The following RGS5 variants were observed in gnomAD, a reference collection of about 807,000 sequenced individuals.
RGS5 encodes regulator of G protein signaling 5.
A neutral mutation model predicts 18.9 loss-of-function variants in RGS5; 20 were observed. The observed-to-expected ratio is 1.06, with a 90% CI of 0.74 to 1.54. RGS5 has a LOEUF of 1.54. Ranked by LOEUF, RGS5 falls within the 40% of genes most tolerant of loss-of-function variation. The pLI is 0.00. For missense variants in RGS5, 201 were observed against 211.8 expected, an observed-to-expected ratio of 0.95 and a Z score of 0.32; for synonymous variants, 57 against 76.2, an observed-to-expected ratio of 0.75 and a Z score of 1.31.
intron 1 of RGS5, among the ~76,000 whole-genome samples, chr1:163,188,974 G>GCTA (rs1659218921): frequency 8.7e-6 from 1 of 114,936 alleles, no homozygotes; most frequent in Non-Finnish European, 1.9e-5. Flanking sequence ...AAAAAAAAAA[G>GCTA]CTACTGTAAG....
chr1:163,290,388 ATC>A (rs1649251689), intron 2 of RGS5, among the ~76,000 whole-genome samples: 1 of 152,204 alleles, frequency 6.6e-6, no homozygotes, highest in Non-Finnish European at 1.5e-5. Flanking sequence ...TCAATATTTA[ATC>A]TTACAAACAA....
At chr1:163,189,475 G>A (rs1370087879) in intron 1 of RGS5, among the ~76,000 whole-genome samples, 3 of 152,212 alleles carry the variant, frequency 2.0e-5, no homozygotes, top group Non-Finnish European at 4.4e-5. Flanking sequence ...AAAATTTTTA[G>A]AGGGTTATTA....
At chr1:163,185,647 T>TG (rs1189444607) in intron 1 of RGS5, among the ~76,000 whole-genome samples, 1 of 152,212 alleles carries the variant, frequency 6.6e-6, no homozygotes, top group African/African-American at 2.4e-5. Context: ...AGATGATTCC[T>TG]GATGCTTTCC....
rs532656523 is a variant in RGS5, at chr1:163,174,186, C to A, written c.45-5818G>T. Among the ~76,000 whole-genome samples the A allele has an allele frequency of 2.1e-4, 32 of 152,316 alleles. No individual in the cohort carries two copies. The South Asian group carries it at 6.2e-3, about 30-fold the overall frequency. On this transcript the variant is annotated intron_variant, in intron 1 of 4. Coordinates refer to ENST00000313961, the MANE Select transcript of RGS5 (RefSeq NM_003617.4). Reference sequence around the variant, plus strand: ...TACCTAAAAACTGCTCCTAATATATCCTCAGAGCCCTCTGAATTTTCCATT... The same window carrying A: ...TACCTAAAAACTGCTCCTAATATATACTCAGAGCCCTCTGAATTTTCCATT...
chr1:163,231,977 T>TAA (rs139089442), intron 2 of RGS5, among the ~76,000 whole-genome samples: 3 of 151,194 alleles, frequency 2.0e-5, no homozygotes, highest in African/African-American at 7.3e-5. Context: ...GCAAAGAAAA[T>TAA]AAAAAAAAAC....
intron 3 of RGS5, chr1:163,161,669 G>C (rs552251348): frequency 2.4e-6 from 1 of 415,792 alleles, no homozygotes; most frequent in South Asian, 2.7e-5. Context: ...GGACAGATGG[G>C]AACACAACTG....
intron 1 of RGS5, among the ~76,000 whole-genome samples, chr1:163,217,032 A>T (rs1009689932): frequency 6.6e-6 from 1 of 152,166 alleles, no homozygotes; most frequent in Admixed American, 6.6e-5. Context: ...AGGATAAATG[A>T]TGAGAATGCA....
At chr1:163,193,004 C>T (rs1467816074) in intron 1 of RGS5, among the ~76,000 whole-genome samples, 2 of 152,194 alleles carry the variant, frequency 1.3e-5, no homozygotes, top group Non-Finnish European at 2.9e-5. Context: ...ATGTTCGGCA[C>T]AAGAAAATAT....
At chr1:163,162,726 A>G (rs899266013) in intron 2 of RGS5, 3 of 152,138 alleles carry the variant, frequency 2.0e-5, no homozygotes, top group Non-Finnish European at 4.4e-5. Flanking sequence ...CTATTTTAAC[A>G]TTTATATATG....
chr1:163,226,768 T>C (rs1011811577), intron 2 of RGS5, among the ~76,000 whole-genome samples: 3 of 152,258 alleles, frequency 2.0e-5, no homozygotes, highest in Non-Finnish European at 4.4e-5. Flanking sequence ...TGGAGATGAT[T>C]GCTATTATAT....
rs191101762 is a variant in RGS5 at position 163,160,834 on chromosome 1, T to C, written c.217+1081A>G. 8.4e-4 allele frequency among the ~76,000 whole-genome samples: 128 copies of C among 152,320 alleles called. 2 individuals are homozygous for C. Among genetic ancestry groups the C allele is most frequent in the African/African-American group, 2.9e-3 (121 of 41,582 alleles). On this transcript the variant is annotated intron_variant, in intron 3 of 4. Coordinates refer to ENST00000313961, the MANE Select transcript of RGS5 (RefSeq NM_003617.4). ...AGAAATATAGGTAGGGTATTTTAAATTGACTCATACTTTTAGAGTGAATTA... is the reference window on the plus strand; with the variant it reads ...AGAAATATAGGTAGGGTATTTTAAACTGACTCATACTTTTAGAGTGAATTA...
At chr1:163,269,495 G>A (rs974518587) in intron 2 of RGS5, among the ~76,000 whole-genome samples, 1 of 152,110 alleles carries the variant, frequency 6.6e-6, no homozygotes, top group Non-Finnish European at 1.5e-5. Context: ...ATCAAAGAAA[G>A]TTCTATGTTC....
intron 3 of RGS5, among the ~76,000 whole-genome samples, chr1:163,154,757 G>T (rs1251511481): frequency 6.6e-6 from 1 of 151,174 alleles, no homozygotes; most frequent in Non-Finnish European, 1.5e-5. Flanking sequence ...AGTGCTAAAA[G>T]AAAAATATAA....
At chr1:163,235,761 T>C (rs946972893) in intron 2 of RGS5, among the ~76,000 whole-genome samples, 1 of 152,238 alleles carries the variant, frequency 6.6e-6, no homozygotes, top group Non-Finnish European at 1.5e-5. Context: ...TCTAATGTAA[T>C]ACAACTCTCT....
chr1:163,154,856 G>T (rs1039171490), intron 3 of RGS5, among the ~76,000 whole-genome samples: 5 of 148,806 alleles, frequency 3.4e-5, no homozygotes, highest in Admixed American at 6.7e-5. Context: ...ATAATATATA[G>T]ATATTTTAGT....
intron 2 of RGS5, among the ~76,000 whole-genome samples, chr1:163,230,577 T>C (rs1471418350): frequency 6.6e-6 from 1 of 152,212 alleles, no homozygotes; most frequent in African/African-American, 2.4e-5. Flanking sequence ...ATGAAGGCTG[T>C]GTCAACTCAT....
At chr1:163,168,155 G>A (rs1658135849) in intron 2 of RGS5, 103 bp downstream of exon 2, 1 of 810,540 alleles carries the variant, frequency 1.2e-6, no homozygotes, top group South Asian at 1.8e-5. Context: ...GATCCTTAAT[G>A]AGTAATTGAA....
At chr1:163,191,875 C>A (rs1301893641) in intron 1 of RGS5, among the ~76,000 whole-genome samples, 1 of 152,058 alleles carries the variant, frequency 6.6e-6, no homozygotes, top group Admixed American at 6.5e-5. Flanking sequence ...AGAAGAGGGG[C>A]TGAAGCTTGA....
intron 2 of RGS5, among the ~76,000 whole-genome samples, chr1:163,165,767 G>T (rs552090482): frequency 6.6e-6 from 1 of 152,130 alleles, no homozygotes; most frequent in Non-Finnish European, 1.5e-5. Context: ...TTAGCCGGGC[G>T]TGGTGGCACA....
Sources: gnomAD v4.1 joint callset for allele counts (sites outside exome capture counted in the v4.1 genomes callset) on GRCh38, gnomAD v4.1.1 for gene constraint, MANE v1.5 for transcripts, NCBI Gene and HGNC (gene_info 2026-07-23, HGNC 2026-07-21) for gene names.